Variants in PTPRG observed in about 807,000 individuals in gnomAD.
PTPRG encodes the protein receptor-type tyrosine-protein phosphatase gamma.
In PTPRG, 102 loss-of-function variants were observed where a neutral mutation model predicts 165.3. The observed-to-expected ratio is 0.62, with a 90% confidence interval of 0.53 to 0.73. The LOEUF is 0.73. Among genes scored for constraint, PTPRG ranks in the 30% least tolerant of loss-of-function variants. PTPRG has a pLI of 0.00. For synonymous variants in PTPRG, 675 were observed against 669.5 expected (o/e 1.01, Z -0.13); for missense variants, 1,866 against 1,861.4 (o/e 1.00, Z -0.05).
chr3:62,028,228 C>T (rs1699636353), intron 4 of PTPRG, among the ~76,000 whole-genome samples: 2 of 152,006 alleles, frequency 1.3e-5, no homozygotes, highest in South Asian at 4.1e-4. Flanking sequence ...ATTTTTTTGT[C>T]ATAAAGAGCT....
At chr3:62,033,530 T>TGCCCCCCCCCC (rs1699840131) in intron 4 of PTPRG, among the ~76,000 whole-genome samples, 1 of 134,108 alleles carries the variant, frequency 7.5e-6, no homozygotes. Flanking sequence ...ATGCCTATCT[T>TGCCCCCCCCCC]CCCCCCCCCA....
At chr3:62,207,430 T>G (rs541443680) in intron 12 of PTPRG, among the ~76,000 whole-genome samples, 1 of 152,336 alleles carries the variant, frequency 6.6e-6, no homozygotes, top group Admixed American at 6.5e-5. Flanking sequence ...TTGCTTCACT[T>G]CCATTCACCC....
intron 23 of PTPRG, among the ~76,000 whole-genome samples, chr3:62,274,174 T>C (rs1239957806): frequency 1.3e-5 from 2 of 152,212 alleles, no homozygotes; most frequent in Non-Finnish European, 2.9e-5. Flanking sequence ...TGAACTAATC[T>C]ATCTTACCTT....
intron 1 of PTPRG, among the ~76,000 whole-genome samples, chr3:61,643,509 G>A (rs2106959128): frequency 6.6e-6 from 1 of 152,344 alleles, no homozygotes; most frequent in South Asian, 2.1e-4. Flanking sequence ...GCTGGGCGCG[G>A]TGGCTCATGC....
At chr3:61,660,771 G>A (rs1702635389) in intron 1 of PTPRG, among the ~76,000 whole-genome samples, 1 of 152,136 alleles carries the variant, frequency 6.6e-6, no homozygotes, top group Non-Finnish European at 1.5e-5. Flanking sequence ...GGAGACTAAG[G>A]TGGGCTGATA....
intron 1 of PTPRG, among the ~76,000 whole-genome samples, chr3:61,744,851 A>G (rs1044284755): frequency 2.0e-5 from 3 of 151,946 alleles, no homozygotes; most frequent in East Asian, 1.9e-4. Context: ...TTTTTGCTTC[A>G]TGTATTAAAT....
In PTPRG at chr3:62,228,539, AAG is replaced by A. The variant is rs1700819822; in HGVS notation, c.2289-2684_2289-2683del. On this transcript the variant is annotated intron_variant, in intron 13 of 29. Transcript: ENST00000474889. The surrounding 1 kb of genome is among the most constrained non-coding windows in gnomAD (Gnocchi z 4.1). Reference sequence around the variant, plus strand: ...AAAAAAAAAAAAGAAAGAAAGAAAAAAGAAAAAGAAAAAGGACAAGTGCTCCA... The same window carrying A: ...AAAAAAAAAAAAGAAAGAAAGAAAAAAAAAAGAAAAAGGACAAGTGCTCCA... Among the ~76,000 whole-genome samples the A allele has an allele frequency of 6.6e-6, 1 of 151,836 alleles. No homozygotes were observed.
chr3:61,674,663 A>G (rs991630068), intron 1 of PTPRG, among the ~76,000 whole-genome samples: 1 of 152,136 alleles, frequency 6.6e-6, no homozygotes, highest in African/African-American at 2.4e-5. Context: ...TTGGTTGAAA[A>G]TGAATTAAAA....
At chr3:62,126,350 A>G (rs866429075) in intron 5 of PTPRG, among the ~76,000 whole-genome samples, 4 of 152,232 alleles carry the variant, frequency 2.6e-5, no homozygotes, top group Admixed American at 2.0e-4. Context: ...TCTGGAGATG[A>G]ATAACCTGTG....
intron 2 of PTPRG, among the ~76,000 whole-genome samples, chr3:61,935,262 T>G (rs2039456798): frequency 6.6e-6 from 1 of 152,212 alleles, no homozygotes; most frequent in African/African-American, 2.4e-5. Flanking sequence ...AAAAGTGTGA[T>G]CTACATAATG....
intron 13 of PTPRG, among the ~76,000 whole-genome samples, chr3:62,225,140 T>C (rs572524894): frequency 5.9e-5 from 9 of 152,158 alleles, no homozygotes; most frequent in Non-Finnish European, 1.3e-4. Context: ...CATTTTGGTC[T>C]TTTTACTTAA....
At chr3:61,763,692 A>G (rs1380572006) in intron 2 of PTPRG, among the ~76,000 whole-genome samples, 1 of 152,160 alleles carries the variant, frequency 6.6e-6, no homozygotes, top group African/African-American at 2.4e-5. Flanking sequence ...TTTAAAGGCT[A>G]ACAACCCCAT....
chr3:61,821,659 AG>A (rs2035962064), intron 2 of PTPRG, among the ~76,000 whole-genome samples: 1 of 152,204 alleles, frequency 6.6e-6, no homozygotes, highest in Non-Finnish European at 1.5e-5. Context: ...CAGAGGCAAA[AG>A]AAGAGGGGAA....
chr3:61,851,030 C>T (rs1249267295), intron 2 of PTPRG, among the ~76,000 whole-genome samples: 2 of 152,128 alleles, frequency 1.3e-5, no homozygotes, highest in African/African-American at 4.8e-5. Flanking sequence ...GGTAACTCTC[C>T]CTCTTTTTGC....
chr3:61,642,043 G>T (rs9942015), intron 1 of PTPRG, among the ~76,000 whole-genome samples: 3,740 of 152,242 alleles, frequency 0.025, 141 homozygotes, highest in African/African-American at 0.085. Flanking sequence ...CCGCTGCAGG[G>T]CTCACCTGCA....
At chr3:61,772,441 A>G in intron 2 of PTPRG, among the ~76,000 whole-genome samples, 1 of 152,188 alleles carries the variant, frequency 6.6e-6, no homozygotes, top group East Asian at 1.9e-4. Context: ...TATTTTATAA[A>G]GTATAAAATA....
chr3:61,813,890 C>CTTTT, intron 2 of PTPRG, among the ~76,000 whole-genome samples: 1 of 133,432 alleles, frequency 7.5e-6, no homozygotes, highest in African/African-American at 2.8e-5. Context: ...GAGATACTGG[C>CTTTT]TTTTTTTTTT....
At chr3:61,707,458 A>G (rs1559566511) in intron 1 of PTPRG, among the ~76,000 whole-genome samples, 1 of 151,936 alleles carries the variant, frequency 6.6e-6, no homozygotes. Context: ...GGAAGAGCTG[A>G]TTTTTTTTCT....
intron 2 of PTPRG, among the ~76,000 whole-genome samples, chr3:61,810,874 A>G (rs1002851381): frequency 2.0e-5 from 3 of 151,834 alleles, no homozygotes; most frequent in Non-Finnish European, 4.4e-5. Context: ...GCGTTCCACC[A>G]TCAAGGTGAC....
Sources: allele counts gnomAD v4.1 joint callset (sites outside exome capture counted in the v4.1 genomes callset), GRCh38; gene constraint gnomAD v4.1.1; non-coding constraint Gnocchi (gnomAD v3.1); transcripts MANE v1.5; gene names NCBI Gene and HGNC (gene_info 2026-07-23, HGNC 2026-07-21).